The following EXOC4 variants were observed in gnomAD, a reference collection of about 807,000 sequenced individuals.
EXOC4 encodes the protein SEC8-like 1.
Under a neutral mutation model 107.2 loss-of-function variants are expected in EXOC4, and 71 were observed. The ratio of observed to expected loss-of-function variants is 0.66; its 90% CI spans 0.55 to 0.81. The LOEUF (loss-of-function observed/expected upper bound fraction) is 0.81. Ranked by LOEUF, EXOC4 falls within the 30% of genes least tolerant of loss-of-function variation. The pLI is 0.00. For synonymous variants in EXOC4, 456 were observed against 441.2 expected (o/e 1.03, Z -0.42); for missense variants, 1,108 against 1,189.6 (o/e 0.93, Z 1.01).
chr7:133,455,005 G>T (rs1798431452), intron 7 of EXOC4, among the ~76,000 whole-genome samples: 1 of 152,096 alleles, frequency 6.6e-6, no homozygotes, highest in Non-Finnish European at 1.5e-5. Flanking sequence ...AGGATTGCTT[G>T]AGCTGGGGAG....
chr7:133,256,081 A>T (rs1442979082), intron 1 of EXOC4, among the ~76,000 whole-genome samples: 1 of 151,412 alleles, frequency 6.6e-6, no homozygotes, highest in Admixed American at 6.6e-5. Flanking sequence ...TTCCGGGTTC[A>T]CACCATTCTC....
Position 134,027,566 on chromosome 7 carries a change from G to A in EXOC4, c.2687+19731G>A, listed in dbSNP as rs373240040. On this transcript the variant is annotated intron_variant, in intron 17 of 17. Coordinates refer to ENST00000253861, the MANE Select transcript of EXOC4 (RefSeq NM_021807.4). ...CCAGCTACTCAGGAGGCTGAGGCACGAGAATCGCTTGAACCCAGGAGGTGG... is the reference window on the plus strand; with the variant it reads ...CCAGCTACTCAGGAGGCTGAGGCACAAGAATCGCTTGAACCCAGGAGGTGG... 2.1e-4 allele frequency among the ~76,000 whole-genome samples: 32 copies of A among 150,018 alleles called. 1 individual carries two copies. The East Asian group carries it at 2.8e-3, about 13-fold the overall frequency.
chr7:133,661,557 G>T (rs889089042), intron 10 of EXOC4, among the ~76,000 whole-genome samples: 2 of 150,616 alleles, frequency 1.3e-5, no homozygotes, highest in Non-Finnish European at 2.9e-5. Context: ...TAAAATAAAA[G>T]AATTTTGGGA....
chr7:133,996,466 G>A (rs1281613706), intron 14 of EXOC4, among the ~76,000 whole-genome samples: 5 of 152,142 alleles, frequency 3.3e-5, no homozygotes, highest in Non-Finnish European at 2.9e-5. Context: ...ATAAACAGAT[G>A]TAGTTTTTTG....
intron 14 of EXOC4, among the ~76,000 whole-genome samples, chr7:133,983,897 T>C (rs958070311): frequency 6.6e-6 from 1 of 152,186 alleles, no homozygotes; most frequent in African/African-American, 2.4e-5. Context: ...ACCCACCCTG[T>C]TTCTCTTTCA....
chr7:133,489,876 G>C (rs146283582), intron 9 of EXOC4, among the ~76,000 whole-genome samples: 1 of 152,060 alleles, frequency 6.6e-6, no homozygotes, highest in Non-Finnish European at 1.5e-5. Flanking sequence ...CTGATATTTC[G>C]CTAGTCACAG....
intron 10 of EXOC4, among the ~76,000 whole-genome samples, chr7:133,758,609 T>C (rs1795966888): frequency 6.6e-6 from 1 of 152,236 alleles, no homozygotes; most frequent in African/African-American, 2.4e-5. Flanking sequence ...ACAGATGCCA[T>C]GAGGGCACTG....
intron 3 of EXOC4, among the ~76,000 whole-genome samples, chr7:133,293,906 C>G (rs1794462015): frequency 6.6e-6 from 1 of 152,106 alleles, no homozygotes; most frequent in African/African-American, 2.4e-5. Context: ...TTAAATTAGA[C>G]CTTTGCAGTC....
intron 7 of EXOC4, among the ~76,000 whole-genome samples, chr7:133,460,485 G>T (rs1798565406): frequency 6.6e-6 from 1 of 152,170 alleles, no homozygotes; most frequent in African/African-American, 2.4e-5. Flanking sequence ...CTCAAGTGTA[G>T]TGCGTAAATA....
the EXOC4 span, among the ~76,000 whole-genome samples, chr7:134,095,575 A>G: frequency 6.6e-6 from 1 of 152,182 alleles, no homozygotes; most frequent in Non-Finnish European, 1.5e-5. Flanking sequence ...AAATTATACT[A>G]TAAGGCTGCG....
At chr7:133,436,490 A>G (rs949793064) in intron 7 of EXOC4, among the ~76,000 whole-genome samples, 49 of 151,524 alleles carry the variant, frequency 3.2e-4, no homozygotes, top group African/African-American at 1.0e-3. Flanking sequence ...GAGTGAAGGC[A>G]GTGTGGTGTT....
chr7:133,306,003 C>G lies in EXOC4; in HGVS notation c.598C>G (p.Leu200Val), dbSNP rs1312703679. 1 of 1,613,746 alleles carries G rather than the reference C, an allele frequency of 6.2e-7. No individual in the cohort carries two copies. Among genetic ancestry groups the G allele is most frequent in the Non-Finnish European group, 8.5e-7 (1 of 1,179,846 alleles). Reference sequence around the variant, plus strand: ...TCTCATAGATGAACTACACCGGCACCTGTACATCAAATCGACTAGCCGAGT... The same window carrying G: ...TCTCATAGATGAACTACACCGGCACGTGTACATCAAATCGACTAGCCGAGT... Reference protein sequence around the residue: ...LVLIDELHRHLYIKSTSRVVQ... With the variant: ...LVLIDELHRHVYIKSTSRVVQ... Residue 200 changes from leucine (L) to valine (V), a missense_variant, in exon 4 of 18, where the codon CTG (leucine) becomes GTG (valine). Transcript: ENST00000253861.
intron 7 of EXOC4, 21 bp from the exon 8 acceptor site, chr7:133,475,307 C>G: frequency 6.3e-7 from 1 of 1,577,248 alleles, no homozygotes; most frequent in Non-Finnish European, 8.6e-7. Context: ...TTAACATTAA[C>G]TGATTTATCT....
chr7:133,787,515 T>C (rs1796600212), intron 10 of EXOC4, among the ~76,000 whole-genome samples: 1 of 152,074 alleles, frequency 6.6e-6, no homozygotes, highest in Non-Finnish European at 1.5e-5. Context: ...GCTTACTGTC[T>C]TAGTCACTTT....
chr7:133,842,864 C>G (rs754718945), intron 11 of EXOC4, among the ~76,000 whole-genome samples: 5 of 152,106 alleles, frequency 3.3e-5, no homozygotes, highest in Admixed American at 1.3e-4. Context: ...ACATGGCTAG[C>G]CAGTTATCCC....
At position 133,350,085 on chromosome 7, in the gene EXOC4, G is replaced by A. The variant is rs576000566; in HGVS notation, c.764-6245G>A. Among the ~76,000 whole-genome samples the A allele has an allele frequency of 1.4e-4, 22 of 152,000 alleles. No homozygotes were observed. In the South Asian group the frequency reaches 3.1e-3, roughly 22 times the overall value. On this transcript the variant is annotated intron_variant, in intron 5 of 17. Coordinates refer to ENST00000253861, the MANE Select transcript of EXOC4 (RefSeq NM_021807.4). ...TATTTTGTATATTAATACCTTATCC[G>A]ATATGTGATTTTGAATTTTTTGTCC...
chr7:133,976,863 T>C (rs866099603), intron 14 of EXOC4, among the ~76,000 whole-genome samples: 5 of 152,214 alleles, frequency 3.3e-5, no homozygotes, highest in Non-Finnish European at 5.9e-5. Flanking sequence ...GAAAATCAAA[T>C]TTGACTTAAT....
intron 14 of EXOC4, among the ~76,000 whole-genome samples, chr7:133,945,106 A>C (rs1665121351): frequency 6.6e-6 from 1 of 152,184 alleles, no homozygotes; most frequent in Admixed American, 6.5e-5. Flanking sequence ...AGCTGTAAAA[A>C]TACTGATGTA....
intron 4 of EXOC4, among the ~76,000 whole-genome samples, chr7:133,312,019 A>C (rs1185329772): frequency 6.6e-6 from 1 of 152,182 alleles, no homozygotes; most frequent in African/African-American, 2.4e-5. Context: ...TGGAAAATAA[A>C]TTTGCATATT....
Sources: gnomAD v4.1 joint callset for allele counts (sites outside exome capture counted in the v4.1 genomes callset) on GRCh38, gnomAD v4.1.1 for gene constraint, MANE v1.5 for transcripts, NCBI Gene and HGNC (gene_info 2026-07-23, HGNC 2026-07-21) for gene names.